The following PRR35 variants were observed in gnomAD, a reference collection of about 807,000 sequenced individuals.
PRR35 encodes proline rich 35.
In PRR35, 14 loss-of-function variants were observed where a neutral mutation model predicts 18.6. That is an observed-to-expected ratio of 0.75 (90% CI 0.50 to 1.18). The LOEUF is 1.18. Ranked by LOEUF, PRR35 falls within the 50% of genes most tolerant of loss-of-function variation. The probability of loss-of-function intolerance (pLI) is 0.00; values close to 1 mark genes in which losing one functional copy is unlikely to be tolerated. For missense variants in PRR35, 832 were observed against 792.2 expected, an observed-to-expected ratio of 1.05 and a Z score of -0.60; for synonymous variants, 425 against 378.2, an observed-to-expected ratio of 1.12 and a Z score of -1.43.
chr16:561,418 C>T (rs866712134), intron 1 of PRR35, among the ~76,000 whole-genome samples: 6 of 152,120 alleles, frequency 3.9e-5, no homozygotes, highest in East Asian at 1.9e-4. Flanking sequence ...GTCGCCGGAG[C>T]GCCCACACCC....
At chr16:560,347 C>G, upstream of PRR35, 2 of 982,228 alleles carry the variant, frequency 2.0e-6, no homozygotes, top group South Asian at 4.7e-5. Flanking sequence ...GTCGCAGCGC[C>G]CCCCGGAGCC....
At chr16:563,173 C>G (rs1412548123) in intron 1 of PRR35, 83 bp from the exon 2 acceptor site, 3 of 1,341,730 alleles carry the variant, frequency 2.2e-6, no homozygotes, top group East Asian at 2.6e-5. Context: ...GCTCCAGTCC[C>G]TGGAGCCTGG....
intron 1 of PRR35, among the ~76,000 whole-genome samples, chr16:561,117 C>A (rs11248938): frequency 1.3e-5 from 2 of 152,202 alleles, no homozygotes; most frequent in South Asian, 2.1e-4. Flanking sequence ...CTGGCTGCCC[C>A]GGGAGCGATT....
chr16:563,450 C>T lies in PRR35; in HGVS notation c.156C>T (p.Leu52=), dbSNP rs1158949258. Residue 52 remains leucine (L), a synonymous_variant, in exon 2 of 3, where the codon CTC becomes CTT. Transcript: ENST00000409413. ...CPFTCLEKSH[L]YNHMKYSLCK... ...TCACCTGCCTGGAGAAGTCACACCT[C>T]TACAACCACATGAAGTACAGCCTCT... 2 of 1,612,588 alleles carry T rather than the reference C, an allele frequency of 1.2e-6. No individual in the cohort carries two copies. The highest frequency in any genetic ancestry group is 1.7e-6 in the Non-Finnish European group (2 of 1,179,666).
At chr16:561,039 C>A (rs1242714203) in intron 1 of PRR35, among the ~76,000 whole-genome samples, 5 of 137,464 alleles carry the variant, frequency 3.6e-5, no homozygotes, top group African/African-American at 1.5e-4. Flanking sequence ...GCCACCGGTT[C>A]TCCCCCAGCT....
In PRR35 at chr16:563,810, C is replaced by A. The variant is rs780634636; in HGVS notation, c.516C>A (p.Gly172=). 9 of 1,501,812 alleles carry A rather than the reference C, an allele frequency of 6.0e-6. No individual in the cohort carries two copies. Among genetic ancestry groups the A allele is most frequent in the South Asian group, 1.3e-5 (1 of 76,698 alleles). 93.0% of individuals were successfully genotyped at this position (1,501,812 alleles called of 1,614,324 possible). ...WKPGMGGDPR[G]VGAGDMASAG... is the part of the protein sequence containing the mutation. ...CGGGGATGGGAGGGGACCCAAGGGG[C>A]GTGGGTGCGGGGGACATGGCCTCAG... The change falls in exon 2 of 3, where the codon GGC becomes GGA. Residue 172 remains glycine (G), a synonymous_variant. Coordinates refer to ENST00000409413, the MANE Select transcript of PRR35 (RefSeq NM_145270.3).
chr16:560,864 G>A (rs1016350352), intron 1 of PRR35, among the ~76,000 whole-genome samples: 1 of 151,462 alleles, frequency 6.6e-6, no homozygotes, highest in African/African-American at 2.4e-5. Flanking sequence ...CAGGGGCCGG[G>A]TCTGGGGTCT....
Position 563,774 on chromosome 16 carries a change from G to T in PRR35, c.480G>T (p.Glu160Asp). ...KGPGPSGLLP[E>D]SWKPGMGGDP... Reference sequence around the variant, plus strand: ...CCGGCCCCAGTGGGCTCCTGCCTGAGTCGTGGAAGCCGGGGATGGGAGGGG... The same window carrying T: ...CCGGCCCCAGTGGGCTCCTGCCTGATTCGTGGAAGCCGGGGATGGGAGGGG... The change falls in exon 2 of 3, where the codon GAG becomes GAT. Residue 160 changes from glutamate (E) to aspartate (D), a missense_variant. Around this residue, in one of 3 missense-constraint regions of PRR35, gnomAD observed 768 missense variants for 704.1 expected, o/e 1.09. Transcript: ENST00000409413. 6.7e-7 allele frequency: 1 copy of T among 1,500,996 alleles called. No homozygotes were observed. The allele number at this position is 1,500,996 out of a possible 1,614,324, so 93.0% of individuals were successfully genotyped here. A position where few individuals can be genotyped will look rare whatever the true frequency, so the allele number is the denominator to read the frequency against.
At chr16:560,687 C>G (rs1236016792) in intron 1 of PRR35, 26 bp downstream of exon 1, 1 of 982,566 alleles carries the variant, frequency 1.0e-6, no homozygotes, top group Non-Finnish European at 1.2e-6. Context: ...GCCGCGGGGG[C>G]GGCCAGTTGG....
upstream of PRR35, chr16:560,256 G>T: frequency 1.3e-6 from 1 of 778,700 alleles, no homozygotes; most frequent in Non-Finnish European, 1.6e-6. Flanking sequence ...GCCAGGGGGC[G>T]GCGGGGGGCG....
chr16:564,944 C>G lies in PRR35; in HGVS notation c.1353C>G (p.His451Gln). The G allele has an allele frequency of 6.2e-7, 1 of 1,604,974 alleles. No homozygotes were observed. Among genetic ancestry groups the G allele is most frequent in the South Asian group, 1.1e-5 (1 of 90,330 alleles). The stretch of plus-strand genomic sequence containing the variant: ...TCCGCCTGGAGCTGCTCACCATTCA[C>G]CAGGCGCTGGAGCAGGCCGTGAGGC... ...GKIRLELLTI[H>Q]QALEQAVRPP... The change falls in exon 3 of 3, where the codon CAC (histidine) becomes CAG (glutamine). Residue 451 changes from histidine (H) to glutamine (Q), a missense_variant. Physicochemically the swap from His to Gln is conservative, Grantham distance 24. Transcript: ENST00000409413.
Position 563,957 on chromosome 16 carries a change from C to T in PRR35, c.663C>T (p.Ser221=), listed in dbSNP as rs2035486480. 1 of 1,599,032 alleles carries T rather than the reference C, an allele frequency of 6.3e-7. No homozygotes were observed. The highest frequency in any genetic ancestry group is 1.1e-5 in the South Asian group (1 of 88,740). Residue 221 remains serine (S), a synonymous_variant, in exon 2 of 3, where the codon TCC becomes TCT. Coordinates refer to ENST00000409413, the MANE Select transcript of PRR35 (RefSeq NM_145270.3). ...ACCCGCTCAGCCCCGGCCTCTTCTC[C>T]TACTTGGGGCCCTCACTGGCCGCTG... The part of the protein sequence containing the change: ...VNYPLSPGLF[S]YLGPSLAAAA...
At chr16:562,306 C>T (rs1021140836) in intron 1 of PRR35, among the ~76,000 whole-genome samples, 9 of 152,248 alleles carry the variant, frequency 5.9e-5, no homozygotes, top group African/African-American at 1.7e-4. Flanking sequence ...CATGCTGGGA[C>T]GTCCACTCCC....
At chr16:564,423 G>T (rs2035496574) in intron 2 of PRR35, 47 bp downstream of exon 2, 5 of 1,580,374 alleles carry the variant, frequency 3.2e-6, no homozygotes, top group Non-Finnish European at 4.3e-6. Context: ...GAGGGGCTGG[G>T]CGGCTGGGCA....
rs1181741159 is a variant in PRR35, at chr16:565,104, G to A, written c.1513G>A (p.Gly505Ser). 1 of 1,597,618 alleles carries A rather than the reference G, an allele frequency of 6.3e-7. No homozygotes were observed. The highest frequency in any genetic ancestry group is 1.7e-5 in the Admixed American group (1 of 58,626). The change falls in exon 3 of 3, where the codon GGC (glycine) becomes AGC (serine). Residue 505 changes from glycine (G) to serine (S), a missense_variant. Physicochemically the swap from Gly to Ser is moderately conservative, Grantham distance 56. Transcript: ENST00000409413. Reference sequence around the variant, plus strand: ...CACCCCCGAGCCACCCGGCATGCTGGGCCCTGCAGCGCCCCAACCCTTCTC... The same window carrying A: ...CACCCCCGAGCCACCCGGCATGCTGAGCCCTGCAGCGCCCCAACCCTTCTC... ...GGTPEPPGML[G>S]PAAPQPFSGH...
At position 563,401 on chromosome 16, in the gene PRR35, AC is replaced by A. The variant is rs1567169162; in HGVS notation, c.108del (p.Tyr37ThrfsTer20). 6.2e-7 allele frequency: 1 copy of A among 1,612,394 alleles called. No homozygotes were observed. The highest frequency in any genetic ancestry group is 1.7e-5 in the Admixed American group (1 of 60,006). On this transcript the variant is annotated frameshift_variant, in exon 2 of 3. Coordinates refer to ENST00000409413, the MANE Select transcript of PRR35 (RefSeq NM_145270.3). LOFTEE classifies it high-confidence loss of function. ...CCGCGGCCCTGGGGCAAACCCTACA[AC>A]TACAAATGCTTCCAGTGCCCCTTCA... is the stretch of plus-strand genomic sequence containing the variant. Reference protein sequence around the residue: ...YIPRPWGKPYNYKCFQCPFTC... With the variant: ...YIPRPWGKPYXYKCFQCPFTC...
Position 565,457 on chromosome 16 carries a change from C to A in PRR35, c.*150C>A, listed in dbSNP as rs2035524094. The A allele has an allele frequency of 2.7e-6, 2 of 742,730 alleles. No homozygotes were observed. Among genetic ancestry groups the A allele is most frequent in the South Asian group, 2.8e-5 (1 of 35,304 alleles). 46.0% of individuals were successfully genotyped at this position (742,730 alleles called of 1,614,324 possible). A position where few individuals can be genotyped will look rare whatever the true frequency, so the allele number is the denominator to read the frequency against. On this transcript the variant is annotated 3_prime_UTR_variant, in exon 3 of 3. Coordinates refer to ENST00000409413, the MANE Select transcript of PRR35 (RefSeq NM_145270.3). Reference sequence around the variant, plus strand: ...CCGTGGCCAACGCTTGTCCCTGGGGCCACACAGGGACACTGGAGGTCACAG... The same window carrying A: ...CCGTGGCCAACGCTTGTCCCTGGGGACACACAGGGACACTGGAGGTCACAG...
chr16:562,125 G>C (rs988705212), intron 1 of PRR35, among the ~76,000 whole-genome samples: 6 of 152,248 alleles, frequency 3.9e-5, no homozygotes, highest in Admixed American at 1.3e-4. Context: ...GTGCTGGGGC[G>C]GTGGACAGCC....
rs2035414583 is a variant in PRR35, at chr16:560,506, C to T, written c.-195C>T. ...GGGAGGTCCGGCTCCCGGCGCCGGG[C>T]CTCAGTTTCCCCCACGGGAGCCGCA... On this transcript the variant is annotated 5_prime_UTR_variant, in exon 1 of 3. Transcript: ENST00000409413. 2.0e-6 allele frequency: 2 copies of T among 982,694 alleles called. No homozygotes were observed. Among genetic ancestry groups the T allele is most frequent in the South Asian group, 4.7e-5 (1 of 21,294 alleles). 60.9% of individuals were successfully genotyped at this position (982,694 alleles called of 1,614,324 possible). A position where few individuals can be genotyped will look rare whatever the true frequency, so the allele number is the denominator to read the frequency against.
Sources: allele counts gnomAD v4.1 joint callset (sites outside exome capture counted in the v4.1 genomes callset), GRCh38; gene constraint gnomAD v4.1.1; regional missense constraint gnomAD v4.1.1; transcripts MANE v1.5; gene names NCBI Gene and HGNC (gene_info 2026-07-23, HGNC 2026-07-21).